DDX5: variants seen among roughly 807,000 people sequenced by gnomAD.
The protein encoded by DDX5 is DEAD-box helicase 5.
A neutral mutation model predicts 68.6 loss-of-function variants in DDX5; 6 were observed. That is an observed-to-expected ratio of 0.09 (90% CI 0.05 to 0.17). The LOEUF (loss-of-function observed/expected upper bound fraction) is 0.17, where lower values mean the gene tolerates loss of function less well. Among genes scored for constraint, DDX5 ranks in the 10% least tolerant of loss-of-function variants. The pLI is 1.00. For missense variants in DDX5, 499 were observed against 756.1 expected (o/e 0.66, Z 3.99); for synonymous variants, 350 against 247.0 (o/e 1.42, Z -3.91).
rs1405697216 is a variant in DDX5 at position 64,498,847 on chromosome 17, C to A, written c.*1076G>T. ...TTTCTAGCAATAAACCCATGTTGAA[C>A]CTACCATGAAAACTTTCATTCACTG... is the stretch of plus-strand genomic sequence containing the variant. On this transcript the variant is annotated 3_prime_UTR_variant, in exon 13 of 13. Coordinates refer to ENST00000225792, the MANE Select transcript of DDX5 (RefSeq NM_004396.5). Among the ~76,000 whole-genome samples the A allele has an allele frequency of 1.3e-5, 2 of 152,200 alleles. No homozygotes were observed. Among genetic ancestry groups the A allele is most frequent in the Non-Finnish European group, 2.9e-5 (2 of 68,042 alleles).
Position 64,504,260 on chromosome 17 carries a change from G to C in DDX5, c.269C>G (p.Pro90Arg), listed in dbSNP as rs1441935456. Residue 90 changes from proline to arginine, a missense_variant, in exon 3 of 13, where the codon CCG (proline) becomes CGG (arginine). Coordinates refer to ENST00000225792, the MANE Select transcript of DDX5 (RefSeq NM_004396.5). ...KEITVRGHNCPKPVLNFYEAN... is the reference protein window; with the variant it reads ...KEITVRGHNCRKPVLNFYEAN... Reference sequence around the variant, plus strand: ...TTCATAAAAATTTAGAACTGGCTTCGGGCAGTTGTGACCTCTAACTGTAAT... The same window carrying C: ...TTCATAAAAATTTAGAACTGGCTTCCGGCAGTTGTGACCTCTAACTGTAAT... 1 of 1,613,906 alleles carries C rather than the reference G, an allele frequency of 6.2e-7. No individual in the cohort carries two copies. The highest frequency in any genetic ancestry group is 8.5e-7 in the Non-Finnish European group (1 of 1,179,998).
rs2038253965 is a variant in DDX5 at position 64,499,947 on chromosome 17, T to G, written c.1821A>C (p.Pro607=). 1 of 1,607,510 alleles carries G rather than the reference T, an allele frequency of 6.2e-7. No individual in the cohort carries two copies. Among genetic ancestry groups the G allele is most frequent in the Non-Finnish European group, 8.5e-7 (1 of 1,176,120 alleles). ...ATAAAPMIGY[P]MPTGYSQ is the part of the protein sequence containing the mutation. The stretch of plus-strand genomic sequence containing the variant: ...CTTATTGGGAATATCCTGTTGGCAT[T>G]GGATAACCAATCATAGGTGCAGCTG... Residue 607 remains proline, a synonymous_variant, in exon 13 of 13, where the codon CCA becomes CCC. Transcript: ENST00000225792.
chr17:64,504,278 A>C lies in DDX5; in HGVS notation c.251T>G (p.Val84Gly). ...ETYRRSKEIT[V>G]RGHNCPKPVL... ...TGGCTTCGGGCAGTTGTGACCTCTA[A>C]CTGTAATTTCCTTGCTTCTTCTGTA... The change falls in exon 3 of 13, where the codon GTT becomes GGT. Residue 84 changes from valine (V) to glycine (G), a missense_variant. Val to Gly is a moderately radical substitution (Grantham distance 109). This residue lies in a region of DDX5 where 140 missense variants were observed against 135.7 expected (regional missense o/e 1.03). Coordinates refer to ENST00000225792, the MANE Select transcript of DDX5 (RefSeq NM_004396.5). The C allele has an allele frequency of 6.2e-7, 1 of 1,614,080 alleles. No individual in the cohort carries two copies. Among genetic ancestry groups the C allele is most frequent in the Non-Finnish European group, 8.5e-7 (1 of 1,180,012 alleles).
At chr17:64,500,938 T>A (rs2038282785) in intron 11 of DDX5, 165 bp from the exon 12 acceptor site, 1 of 611,138 alleles carries the variant, frequency 1.6e-6, no homozygotes, top group East Asian at 2.7e-5. Flanking sequence ...ACCATTGAGG[T>A]TGAAAAAAGA....
Position 64,499,825 on chromosome 17 carries a change from C to A in DDX5, c.*98G>T. On this transcript the variant is annotated 3_prime_UTR_variant, in exon 13 of 13. Coordinates refer to ENST00000225792, the MANE Select transcript of DDX5 (RefSeq NM_004396.5). ...AATTACTGCTGCACTGCAGTCATTT[C>A]TGCAATTCCCATGTTTCTTAAATAA... The A allele has an allele frequency of 8.3e-7, 1 of 1,201,404 alleles. No individual in the cohort carries two copies. Among genetic ancestry groups the A allele is most frequent in the East Asian group, 2.5e-5 (1 of 40,422 alleles). 74.4% of individuals were successfully genotyped at this position (1,201,404 alleles called of 1,614,324 possible). A position where few individuals can be genotyped will look rare whatever the true frequency, so the allele number is the denominator to read the frequency against.
At position 64,503,671 on chromosome 17, in the gene DDX5, C is replaced by T. The variant is rs782539748; in HGVS notation, c.508-100G>A. 1.0e-4 allele frequency: 160 copies of T among 1,548,706 alleles called. 2 individuals are homozygous for T. The South Asian group carries it at 1.8e-3, about 18-fold the overall frequency. Reference sequence around the variant, plus strand: ...TCCTTTCTTCATGTGTTGTCCAATACCCAAAACAGCTCCAGCTGAATAGGG... The same window carrying T: ...TCCTTTCTTCATGTGTTGTCCAATATCCAAAACAGCTCCAGCTGAATAGGG... On this transcript the variant is annotated intron_variant, in intron 5 of 12. Transcript: ENST00000225792.
chr17:64,504,860 G>C lies in DDX5; in HGVS notation c.45-18C>G. The C allele has an allele frequency of 6.3e-7, 1 of 1,587,530 alleles. No individual in the cohort carries two copies. The highest frequency in any genetic ancestry group is 1.2e-5 in the South Asian group (1 of 86,412). ...CACCAAACCTGGAATGAAAAAAAACGTTATTCACATTTTCAAATGGCTATA... is the reference window on the plus strand; with the variant it reads ...CACCAAACCTGGAATGAAAAAAAACCTTATTCACATTTTCAAATGGCTATA... On this transcript the variant is annotated intron_variant, in intron 1 of 12. Coordinates refer to ENST00000225792, the MANE Select transcript of DDX5 (RefSeq NM_004396.5).
At chr17:64,506,796 C>G (rs1009409453), upstream of DDX5, 58 of 548,788 alleles carry the variant, frequency 1.1e-4, 1 homozygote, top group Non-Finnish European at 1.8e-4. Context: ...CCCGGGCTGC[C>G]GGCTGATGTG....
rs544676866 is a variant in DDX5 at position 64,506,287 on chromosome 17, G to A, written c.-168C>T. On this transcript the variant is annotated 5_prime_UTR_variant, in exon 1 of 13. Coordinates refer to ENST00000225792, the MANE Select transcript of DDX5 (RefSeq NM_004396.5). ...ACTAGAGACCGGTAGAAATGAATGAGGTGCCGGCCGCTTTCCGGCAGCCGC... is the reference window on the plus strand; with the variant it reads ...ACTAGAGACCGGTAGAAATGAATGAAGTGCCGGCCGCTTTCCGGCAGCCGC... 5.6e-4 allele frequency: 849 copies of A among 1,526,434 alleles called. No homozygotes were observed. The highest frequency in any genetic ancestry group is 6.6e-4 in the Non-Finnish European group (755 of 1,137,168). The allele number at this position is 1,526,434 out of a possible 1,614,324, so 94.6% of individuals were successfully genotyped here. A position where few individuals can be genotyped will look rare whatever the true frequency, so the allele number is the denominator to read the frequency against.
At chr17:64,501,620 C>A in intron 11 of DDX5, 1 of 201,834 alleles carries the variant, frequency 5.0e-6, no homozygotes, top group East Asian at 1.2e-4. Context: ...TCACAGTGAA[C>A]AGTTTGAAAC....
chr17:64,506,830 T>C (rs2038556663), upstream of DDX5: 1 of 592,798 alleles, frequency 1.7e-6, no homozygotes, highest in African/African-American at 1.9e-5. Context: ...GCGTGTCTGA[T>C]AATCCTTTGA....
At chr17:64,505,969 G>T in intron 1 of DDX5, 107 bp downstream of exon 1, 2 of 1,540,148 alleles carry the variant, frequency 1.3e-6, no homozygotes, top group Non-Finnish European at 1.7e-6. Flanking sequence ...TCCCAAGATA[G>T]CCCGGAAAGG....
chr17:64,498,296 T>G lies in DDX5; in HGVS notation c.*1627A>C, dbSNP rs1555670188. Among the ~76,000 whole-genome samples the G allele has an allele frequency of 6.6e-6, 1 of 152,192 alleles. No homozygotes were observed. Among genetic ancestry groups the G allele is most frequent in the Non-Finnish European group, 1.5e-5 (1 of 68,048 alleles). On this transcript the variant is annotated 3_prime_UTR_variant, in exon 13 of 13. Transcript: ENST00000225792. ...TTTATTAGTTAAGACGACCACAGGC[T>G]GGACACAACACACATGCTAAAAAGT...
rs893825820 is a variant in DDX5, at chr17:64,500,481, C to T, written c.1441+68G>A. 7 of 1,545,716 alleles carry T rather than the reference C, an allele frequency of 4.5e-6. No homozygotes were observed. The Admixed American group carries it at 5.4e-5, about 12-fold the overall frequency. On this transcript the variant is annotated intron_variant, in intron 12 of 12. Transcript: ENST00000225792. ...CAAGGTTTTACTCACCCTCCAATAC[C>T]ATTTAAATGGATTTGTAGACAACGA... is the stretch of plus-strand genomic sequence containing the variant.
intron 1 of DDX5, chr17:64,505,147 C>T (rs1368975501): frequency 3.1e-6 from 1 of 319,460 alleles, no homozygotes; most frequent in South Asian, 6.6e-5. Context: ...GCACACACCA[C>T]TTCTTGTGGT....
chr17:64,506,649 G>A, upstream of DDX5: 1 of 372,158 alleles, frequency 2.7e-6, no homozygotes. Context: ...GGGGAAGGCG[G>A]GGCCTGGCGT....
Position 64,498,324 on chromosome 17 carries a change from ACTGT to A in DDX5, c.*1595_*1598del, listed in dbSNP as rs1217185803. 5.1e-4 allele frequency among the ~76,000 whole-genome samples: 78 copies of A among 152,354 alleles called. No homozygotes were observed. Among genetic ancestry groups the A allele is most frequent in the African/African-American group, 1.0e-3 (43 of 41,588 alleles). On this transcript the variant is annotated 3_prime_UTR_variant, in exon 13 of 13. Transcript: ENST00000225792. ...ACACAACACACATGCTAAAAAGTGG[ACTGT>A]CTTTTAAAACTTCCAAGGTAAATAG...
Position 64,503,808 on chromosome 17 carries a change from G to A in DDX5, c.502C>T (p.Pro168Ser). The A allele has an allele frequency of 1.2e-6, 2 of 1,613,836 alleles. No homozygotes were observed. The highest frequency in any genetic ancestry group is 1.7e-6 in the Non-Finnish European group (2 of 1,179,780). Residue 168 changes from proline (P) to serine (S), a missense_variant, in exon 5 of 13, where the codon CCT (proline) becomes TCT (serine). By Grantham distance (74) the Pro-to-Ser change is moderately conservative. Around this residue, in one of 5 missense-constraint regions of DDX5, gnomAD observed 141 missense variants for 279.8 expected, o/e 0.50. Coordinates refer to ENST00000225792, the MANE Select transcript of DDX5 (RefSeq NM_004396.5). ...HQPFLERGDG[P>S]ICLVLAPTRE... ...AGTTAAAAATATATACTTACAATAG[G>A]CCCATCGCCTCTCTCTAGGAATGGC...
In DDX5 at chr17:64,503,856, C is replaced by A. The variant is rs1379943242; in HGVS notation, c.454G>T (p.Ala152Ser). 6 of 1,614,164 alleles carry A rather than the reference C, an allele frequency of 3.7e-6. No individual in the cohort carries two copies. The highest frequency in any genetic ancestry group is 5.1e-6 in the Non-Finnish European group (6 of 1,180,034). ...GGCTGATGATTGATGTGGACAATGGCAGGAAGCAAATACTATTTAGGGTGA... is the reference window on the plus strand; with the variant it reads ...GGCTGATGATTGATGTGGACAATGGAAGGAAGCAAATACTATTTAGGGTGA... ...SGKTLSYLLP[A>S]IVHINHQPFL... The change falls in exon 5 of 13, where the codon GCC becomes TCC. Residue 152 changes from alanine to serine, a missense_variant. Ala to Ser is a moderately conservative substitution (Grantham distance 99). Coordinates refer to ENST00000225792, the MANE Select transcript of DDX5 (RefSeq NM_004396.5).
Sources: gnomAD v4.1 joint callset for allele counts (sites outside exome capture counted in the v4.1 genomes callset) on GRCh38, gnomAD v4.1.1 for gene constraint, gnomAD v4.1.1 regional missense constraint, MANE v1.5 for transcripts, NCBI Gene and HGNC (gene_info 2026-07-23, HGNC 2026-07-21) for gene names.